Variants in ANXA7 observed in about 807,000 individuals in gnomAD.
The protein encoded by ANXA7 is annexin VII.
ANXA7 carries 55 observed loss-of-function variants against 64.9 expected under a neutral mutation model. The ratio of observed to expected loss-of-function variants is 0.85; its 90% CI spans 0.68 to 1.06. The LOEUF (loss-of-function observed/expected upper bound fraction) is 1.06, where lower values mean the gene tolerates loss of function less well. Ranked by LOEUF, ANXA7 falls within the 50% of genes least tolerant of loss-of-function variation. ANXA7 has a pLI of 0.00. For synonymous variants in ANXA7, 200 were observed against 192.4 expected, an observed-to-expected ratio of 1.04 and a Z score of -0.33; for missense variants, 548 against 582.1, an observed-to-expected ratio of 0.94 and a Z score of 0.60.
intron 6 of ANXA7, among the ~76,000 whole-genome samples, chr10:73,387,986 G>C (rs1253454462): frequency 6.6e-6 from 1 of 151,838 alleles, no homozygotes; most frequent in Non-Finnish European, 1.5e-5. Context: ...CGTGAAGCTG[G>C]GATTACAGGC....
intron 9 of ANXA7, among the ~76,000 whole-genome samples, chr10:73,381,814 C>T (rs185387850): frequency 2.5e-3 from 373 of 152,144 alleles, no homozygotes; most frequent in African/African-American, 8.5e-3. Context: ...TAGGTAAATT[C>T]AATTTCCTTC....
At chr10:73,407,828 G>T (rs1002945919) in intron 1 of ANXA7, among the ~76,000 whole-genome samples, 1 of 152,048 alleles carries the variant, frequency 6.6e-6, no homozygotes, top group Non-Finnish European at 1.5e-5. Flanking sequence ...GAGAATAAAC[G>T]GACATAGATT....
chr10:73,388,466 T>G (rs1387816798), intron 5 of ANXA7, 52 bp from the exon 6 acceptor site: 3 of 1,397,568 alleles, frequency 2.1e-6, no homozygotes, highest in African/African-American at 1.4e-5. Context: ...AAGTTTCTAA[T>G]GAGGAAACTT....
At chr10:73,413,021 G>A (rs1175684249) in intron 1 of ANXA7, among the ~76,000 whole-genome samples, 1 of 151,996 alleles carries the variant, frequency 6.6e-6, no homozygotes, top group Non-Finnish European at 1.5e-5. Flanking sequence ...GAAGATACGC[G>A]CAACAGCGAA....
intron 1 of ANXA7, chr10:73,408,315 C>G (rs1379597551): frequency 3.6e-5 from 4 of 111,206 alleles, no homozygotes; most frequent in African/African-American, 1.4e-4. Context: ...CAAGACAAGA[C>G]AAGGAAAAAG....
At chr10:73,410,204 A>G (rs146626347) in intron 1 of ANXA7, among the ~76,000 whole-genome samples, 45 of 152,264 alleles carry the variant, frequency 3.0e-4, no homozygotes, top group East Asian at 1.9e-3. Context: ...CAAATAATCA[A>G]CAGAGTAAAC....
intron 3 of ANXA7, among the ~76,000 whole-genome samples, 167 bp downstream of exon 3, chr10:73,398,014 C>CA (rs1428764572): frequency 1.3e-5 from 2 of 152,172 alleles, no homozygotes; most frequent in Non-Finnish European, 2.9e-5. Context: ...TTCATGTCCC[C>CA]AGAGAATCTT....
At chr10:73,388,588 T>C (rs1244447136) in intron 5 of ANXA7, among the ~76,000 whole-genome samples, 174 bp from the exon 6 acceptor site, 1 of 152,192 alleles carries the variant, frequency 6.6e-6, no homozygotes. Context: ...AGGAAAGACC[T>C]ATCCCCCTTC....
Position 73,383,619 on chromosome 10 carries a change from A to AG in ANXA7, c.704dup (p.Pro236SerfsTer25). 3 of 1,613,778 alleles carry AG rather than the reference A, an allele frequency of 1.9e-6. No individual in the cohort carries two copies. The highest frequency in any genetic ancestry group is 2.5e-6 in the Non-Finnish European group (3 of 1,179,736). ...AGCTCCAGGCATCGTAATACGTAGG[A>AG]GGCATGAAGAGGGCCAGGATCAGTT... On this transcript the variant is annotated frameshift_variant, in exon 8 of 13. Transcript: ENST00000372921. LOFTEE classifies it high-confidence loss of function.
intron 12 of ANXA7, among the ~76,000 whole-genome samples, 196 bp from the exon 13 acceptor site, chr10:73,376,413 T>C (rs1342678365): frequency 6.6e-6 from 1 of 152,170 alleles, no homozygotes; most frequent in Non-Finnish European, 1.5e-5. Flanking sequence ...CTCTGTAAAA[T>C]ACTTGGTCAG....
intron 1 of ANXA7, among the ~76,000 whole-genome samples, chr10:73,410,502 G>A (rs1436520800): frequency 6.6e-6 from 1 of 152,018 alleles, no homozygotes; most frequent in Non-Finnish European, 1.5e-5. Flanking sequence ...TCAAAAAATG[G>A]GCCGGGCGCG....
intron 2 of ANXA7, among the ~76,000 whole-genome samples, chr10:73,398,774 G>C (rs2055616251): frequency 6.6e-6 from 1 of 151,928 alleles, no homozygotes; most frequent in African/African-American, 2.4e-5. Flanking sequence ...AGGCTTTCTT[G>C]CAACACATCT....
intron 11 of ANXA7, 24 bp downstream of exon 11, chr10:73,379,855 A>C: frequency 6.2e-7 from 1 of 1,608,548 alleles, no homozygotes; most frequent in Non-Finnish European, 8.5e-7. Context: ...AAAGAAAATA[A>C]AGCAAAGCAC....
chr10:73,398,112 G>A (rs546060181), intron 3 of ANXA7, 69 bp downstream of exon 3: 1 of 1,480,576 alleles, frequency 6.8e-7, no homozygotes, highest in East Asian at 2.3e-5. Flanking sequence ...GGAATGAAGA[G>A]GATAAAGGGA....
chr10:73,378,579 A>T (rs1342164702), intron 12 of ANXA7, among the ~76,000 whole-genome samples: 1 of 152,178 alleles, frequency 6.6e-6, no homozygotes, highest in Non-Finnish European at 1.5e-5. Flanking sequence ...ATTAATCTAC[A>T]TAGGCCTTTC....
At chr10:73,388,005 C>G (rs1405542345) in intron 6 of ANXA7, among the ~76,000 whole-genome samples, 1 of 152,080 alleles carries the variant, frequency 6.6e-6, no homozygotes, top group African/African-American at 2.4e-5. Context: ...GCATGCATCA[C>G]CATGCCCAAC....
At position 73,380,106 on chromosome 10, in the gene ANXA7, A is replaced by T; in HGVS notation, c.1014T>A (p.Asp338Glu). The change falls in exon 10 of 13, where the codon GAT becomes GAA. Residue 338 changes from aspartate (D) to glutamate (E), a missense_variant. Coordinates refer to ENST00000372921, the MANE Select transcript of ANXA7 (RefSeq NM_001156.5). The part of the protein sequence containing the change: ...YQAGEGRLGT[D>E]ESCFNMILAT... ...CAAGGATCATGTTAAAGCAAGATTCATCGGTCCCTAGTCTCCCCTCACCAG... is the reference window on the plus strand; with the variant it reads ...CAAGGATCATGTTAAAGCAAGATTCTTCGGTCCCTAGTCTCCCCTCACCAG... The T allele has an allele frequency of 1.9e-6, 3 of 1,614,200 alleles. No homozygotes were observed. Among genetic ancestry groups the T allele is most frequent in the Non-Finnish European group, 2.5e-6 (3 of 1,180,034 alleles).
intron 5 of ANXA7, among the ~76,000 whole-genome samples, chr10:73,389,548 G>C (rs1447481215): frequency 6.6e-6 from 1 of 152,180 alleles, no homozygotes; most frequent in Non-Finnish European, 1.5e-5. Context: ...GTACTATTTT[G>C]CAAGTCTAAA....
At chr10:73,378,032 T>G (rs988275151) in intron 12 of ANXA7, among the ~76,000 whole-genome samples, 1 of 149,998 alleles carries the variant, frequency 6.7e-6, no homozygotes, top group South Asian at 2.2e-4. Context: ...CCTCCCAAAC[T>G]GCTGAGATTA....
Sources: gnomAD v4.1 joint callset for allele counts (sites outside exome capture counted in the v4.1 genomes callset) on GRCh38, gnomAD v4.1.1 for gene constraint, MANE v1.5 for transcripts, NCBI Gene and HGNC (gene_info 2026-07-23, HGNC 2026-07-21) for gene names.